SGTB: variants seen among roughly 807,000 people sequenced by gnomAD.
SGTB encodes small glutamine rich tetratricopeptide repeat co-chaperone beta, also known as small glutamine-rich tetratricopeptide repeat-containing protein beta.
In SGTB, 19 loss-of-function variants were observed where a neutral mutation model predicts 43.9. That is an observed-to-expected ratio of 0.43 (90% CI 0.30 to 0.63). The LOEUF (loss-of-function observed/expected upper bound fraction) is 0.63, where lower values mean the gene tolerates loss of function less well. Ranked by LOEUF, SGTB falls within the 30% of genes least tolerant of loss-of-function variation. The probability of loss-of-function intolerance (pLI) is 0.12; values close to 1 mark genes in which losing one functional copy is unlikely to be tolerated. For missense variants in SGTB, 304 were observed against 358.9 expected (o/e 0.85, Z 1.24); for synonymous variants, 116 against 117.3 (o/e 0.99, Z 0.07).
intron 5 of SGTB, among the ~76,000 whole-genome samples, chr5:65,700,411 G>A (rs1271860590): frequency 6.6e-6 from 1 of 152,162 alleles, no homozygotes; most frequent in Non-Finnish European, 1.5e-5. Context: ...GCTCATGCCT[G>A]TAATCCCAGC....
At position 65,680,554 on chromosome 5, in the gene SGTB, T is replaced by A. The variant is rs1290955653; in HGVS notation, c.621A>T (p.Thr207=). The change falls in exon 8 of 11, where the codon ACA becomes ACT. Residue 207 remains threonine (T), a splice_region_variant and synonymous_variant. Coordinates refer to ENST00000381007, the MANE Select transcript of SGTB (RefSeq NM_019072.3). ...EQKLREVSSP[T]GTGLSFDMAS... is the part of the protein sequence containing the mutation. ...CCATGTCAAAGCTCAGTCCAGTTCC[T>A]GTCTGTAAAACAATTATATCTGAGA... 6.2e-7 allele frequency: 1 copy of A among 1,614,174 alleles called. No individual in the cohort carries two copies. Among genetic ancestry groups the A allele is most frequent in the Non-Finnish European group, 8.5e-7 (1 of 1,180,010 alleles).
intron 5 of SGTB, among the ~76,000 whole-genome samples, chr5:65,693,554 A>AT (rs201955230): frequency 2.0e-3 from 301 of 150,646 alleles, no homozygotes; most frequent in African/African-American, 6.7e-3. Flanking sequence ...AATAGGTTTA[A>AT]TTTTTTTTTT....
chr5:65,716,134 C>T (rs1432756639), intron 2 of SGTB, among the ~76,000 whole-genome samples: 1 of 152,180 alleles, frequency 6.6e-6, no homozygotes, highest in Admixed American at 6.5e-5. Flanking sequence ...TTGACAAAGA[C>T]TTAAAGGAGA....
upstream of SGTB, chr5:65,722,473 G>A (rs1166223725): frequency 3.4e-6 from 5 of 1,456,674 alleles, no homozygotes; most frequent in African/African-American, 4.3e-5. Flanking sequence ...TTCGCCGTGT[G>A]GTGCCTGGAG....
intron 8 of SGTB, among the ~76,000 whole-genome samples, chr5:65,675,793 G>A (rs1018890618): frequency 2.6e-5 from 4 of 152,150 alleles, no homozygotes; most frequent in African/African-American, 4.8e-5. Flanking sequence ...AGCAAATGCC[G>A]AGGGAATTCA....
chr5:65,714,095 C>T (rs896831327), intron 2 of SGTB, among the ~76,000 whole-genome samples: 1 of 151,996 alleles, frequency 6.6e-6, no homozygotes, highest in African/African-American at 2.4e-5. Context: ...TCACTACAAA[C>T]CTAAAATATT....
At chr5:65,712,891 G>C in intron 3 of SGTB, 70 bp downstream of exon 3, 2 of 1,225,106 alleles carry the variant, frequency 1.6e-6, no homozygotes, top group Non-Finnish European at 2.4e-6. Flanking sequence ...TGGCCCCTCA[G>C]CTATTAACAA....
intron 8 of SGTB, among the ~76,000 whole-genome samples, chr5:65,679,398 G>A (rs1233421569): frequency 2.0e-5 from 3 of 152,226 alleles, no homozygotes; most frequent in Admixed American, 6.5e-5. Flanking sequence ...TGAGGCAGGC[G>A]GATCACCAGA....
chr5:65,717,344 G>A, intron 2 of SGTB, among the ~76,000 whole-genome samples: 1 of 151,970 alleles, frequency 6.6e-6, no homozygotes, highest in East Asian at 1.9e-4. Context: ...TTTGAAGAAG[G>A]GAGAATAATG....
intron 5 of SGTB, among the ~76,000 whole-genome samples, chr5:65,686,860 T>C (rs1380314243): frequency 6.6e-6 from 1 of 152,224 alleles, no homozygotes; most frequent in Non-Finnish European, 1.5e-5. Flanking sequence ...TAATCCTCAA[T>C]ATTTCTTAAG....
chr5:65,693,735 T>C (rs1757663574), intron 5 of SGTB, among the ~76,000 whole-genome samples: 1 of 152,082 alleles, frequency 6.6e-6, no homozygotes, highest in South Asian at 2.1e-4. Context: ...GAAGAGAATA[T>C]CTCCCTGCCC....
intron 5 of SGTB, among the ~76,000 whole-genome samples, chr5:65,698,298 T>C (rs1757749715): frequency 1.3e-5 from 2 of 152,200 alleles, no homozygotes; most frequent in Non-Finnish European, 2.9e-5. Context: ...GCATGCTAAG[T>C]ATTTAGGGAG....
At chr5:65,721,010 G>C (rs1758262861) in intron 1 of SGTB, among the ~76,000 whole-genome samples, 181 bp from the exon 2 acceptor site, 1 of 152,100 alleles carries the variant, frequency 6.6e-6, no homozygotes, top group Non-Finnish European at 1.5e-5. Flanking sequence ...GTATTGTGAA[G>C]GTAATTTATT....
At chr5:65,707,989 T>A (rs1463085571) in intron 4 of SGTB, among the ~76,000 whole-genome samples, 1 of 152,156 alleles carries the variant, frequency 6.6e-6, no homozygotes, top group Non-Finnish European at 1.5e-5. Context: ...ACACAAATCC[T>A]CAACAGTGAC....
chr5:65,715,268 T>C (rs534973568), intron 2 of SGTB, among the ~76,000 whole-genome samples: 5 of 152,312 alleles, frequency 3.3e-5, no homozygotes, highest in South Asian at 2.1e-4. Flanking sequence ...AGTCACAAAA[T>C]CTAAACAAAT....
intron 4 of SGTB, among the ~76,000 whole-genome samples, chr5:65,706,421 C>T (rs186155501): frequency 6.6e-6 from 1 of 152,266 alleles, no homozygotes; most frequent in African/African-American, 2.4e-5. Context: ...TTTCCTGTGT[C>T]ACCTCAAAGG....
intron 5 of SGTB, among the ~76,000 whole-genome samples, chr5:65,698,568 C>T (rs1421188592): frequency 6.6e-6 from 1 of 152,028 alleles, no homozygotes; most frequent in Admixed American, 6.6e-5. Context: ...TTCTGTACAG[C>T]AAAAGAAATA....
At chr5:65,704,202 A>C in intron 5 of SGTB, 77 bp downstream of exon 5, 3 of 1,073,822 alleles carry the variant, frequency 2.8e-6, no homozygotes, top group Non-Finnish European at 3.9e-6. Flanking sequence ...CTAAATAATT[A>C]AGATTTGCAT....
intron 5 of SGTB, among the ~76,000 whole-genome samples, chr5:65,686,791 G>A (rs1489696337): frequency 2.0e-5 from 3 of 152,110 alleles, no homozygotes; most frequent in Admixed American, 1.3e-4. Context: ...AAGCACACAC[G>A]AAAACAATAA....
Sources: allele counts gnomAD v4.1 joint callset (sites outside exome capture counted in the v4.1 genomes callset), GRCh38; gene constraint gnomAD v4.1.1; transcripts MANE v1.5; gene names NCBI Gene and HGNC (gene_info 2026-07-23, HGNC 2026-07-21).